Variants in PLCH2 observed in about 807,000 individuals in gnomAD.
The protein encoded by PLCH2 is 1-phosphatidylinositol 4,5-bisphosphate phosphodiesterase eta-2.
In PLCH2, 98 loss-of-function variants were observed where a neutral mutation model predicts 134.7. The observed-to-expected ratio is 0.73, with a 90% CI of 0.62 to 0.86. The LOEUF (loss-of-function observed/expected upper bound fraction) is 0.86, where lower values mean the gene tolerates loss of function less well. PLCH2 is among the 40% of genes least tolerant of loss of function. The probability of loss-of-function intolerance (pLI) is 0.00; values close to 1 mark genes in which losing one functional copy is unlikely to be tolerated. For synonymous variants in PLCH2, 974 were observed against 827.5 expected, an observed-to-expected ratio of 1.18 and a Z score of -3.04; for missense variants, 1,994 against 1,986.6, an observed-to-expected ratio of 1.00 and a Z score of -0.07.
chr1:2,467,552 C>CCGG (rs199663690), exon 1 of PLCH2: 5,231 of 400,016 alleles, frequency 0.013, 74 homozygotes, highest in East Asian at 0.048. Context: ...TCAGGGGACG[C>CCGG]CGGGGGCCAG....
At chr1:2,500,780 C>T (rs1370560158) in intron 20 of PLCH2, 16 of 46,976 alleles carry the variant, frequency 3.4e-4, no homozygotes, top group African/African-American at 1.2e-3. Flanking sequence ...GCCTCTCCTC[C>T]CCTCCCCTCC....
At position 2,504,405 on chromosome 1, in the gene PLCH2, G is replaced by C; in HGVS notation, c.3443G>C (p.Ser1148Thr). ...CGAGACAGCGTTTCCTCCTCCTCCA[G>C]CATGTCATCCAGCGACACTGTCATT... The part of the protein sequence containing the change: ...GHRDSVSSSS[S>T]MSSSDTVIDL... The change falls in exon 22 of 22, where the codon AGC becomes ACC. Residue 1148 changes from serine to threonine, a missense_variant. Ser to Thr is a moderately conservative substitution (Grantham distance 58, BLOSUM62 1). Transcript: ENST00000378486. 6.2e-7 allele frequency: 1 copy of C among 1,612,336 alleles called. No individual in the cohort carries two copies. Among genetic ancestry groups the C allele is most frequent in the Non-Finnish European group, 8.5e-7 (1 of 1,179,752 alleles).
At chr1:2,479,272 C>T (rs41315660) in intron 2 of PLCH2, 4,320 of 167,584 alleles carry the variant, frequency 0.026, 77 homozygotes, top group African/African-American at 0.048. Context: ...GAGAGAGTCG[C>T]GCTGCGGAGC....
intron 4 of PLCH2, among the ~76,000 whole-genome samples, chr1:2,483,954 C>A (rs534851024): frequency 9.7e-6 from 1 of 103,368 alleles, no homozygotes; most frequent in Non-Finnish European, 2.0e-5. Context: ...GTGGCGCTGA[C>A]TCCCGTGTGG....
chr1:2,416,026 T>C, the PLCH2 span, among the ~76,000 whole-genome samples: 10,378 of 152,084 alleles, frequency 0.068, 629 homozygotes, highest in East Asian at 0.22. Context: ...CGTATCCCCA[T>C]CCCCCCACCA....
chr1:2,484,715 A>T (rs1642200197), intron 5 of PLCH2, 97 bp downstream of exon 5: 4 of 1,315,738 alleles, frequency 3.0e-6, no homozygotes, highest in Non-Finnish European at 3.1e-6. Flanking sequence ...GTGATGGGGG[A>T]GCTGTCTGAA....
intron 5 of PLCH2, among the ~76,000 whole-genome samples, chr1:2,485,227 G>GGACGCTT (rs1642226208): frequency 2.2e-5 from 1 of 45,160 alleles, no homozygotes; most frequent in African/African-American, 8.6e-5. Flanking sequence ...GCCAAGTGCT[G>GGACGCTT]CCCCACTGAC....
chr1:2,443,987 T>C (rs1049544288), intron 2 of PLCH2, among the ~76,000 whole-genome samples: 9 of 152,214 alleles, frequency 5.9e-5, no homozygotes, highest in African/African-American at 1.9e-4. Flanking sequence ...GTGCCGCTCC[T>C]GCCGCTGCGC....
rs1643440482 is a variant in PLCH2 at position 2,504,687 on chromosome 1, T to C, written c.3725T>C (p.Leu1242Pro). 1 of 1,612,480 alleles carries C rather than the reference T, an allele frequency of 6.2e-7. No individual in the cohort carries two copies. ...CGGCCTCCCTGGGGCTGCCTTTCCC[T>C]GGTGGGCGTGCAGGACTGCCCCGTG... ...PFRPPWGCLS[L>P]VGVQDCPVAA... is the part of the protein sequence containing the mutation. The change falls in exon 22 of 22, where the codon CTG (leucine) becomes CCG (proline). Residue 1242 changes from leucine (L) to proline (P), a missense_variant. Physicochemically the swap from Leu to Pro is moderately conservative, Grantham distance 98. Around this residue, in one of 2 missense-constraint regions of PLCH2, gnomAD observed 900 missense variants for 752.3 expected, o/e 1.20. Transcript: ENST00000378486.
chr1:2,446,970 T>C (rs567049884), intron 2 of PLCH2, among the ~76,000 whole-genome samples: 1 of 152,178 alleles, frequency 6.6e-6, no homozygotes, highest in Non-Finnish European at 1.5e-5. Flanking sequence ...GGTGGCCTGG[T>C]GGAGGTGGAG....
At chr1:2,503,556 G>C (rs1012972580) in intron 21 of PLCH2, 6 of 632,462 alleles carry the variant, frequency 9.5e-6, no homozygotes, top group South Asian at 8.4e-5. Context: ...ACACCACCCT[G>C]CCCCTCCAGA....
chr1:2,455,616 C>T (rs1237223386), intron 2 of PLCH2, among the ~76,000 whole-genome samples: 2 of 152,310 alleles, frequency 1.3e-5, no homozygotes, highest in East Asian at 1.9e-4. Context: ...GGGATGCCGA[C>T]GCTTGTTCCC....
chr1:2,475,826 G>C (rs1432542429), upstream of PLCH2, among the ~76,000 whole-genome samples: 1 of 152,168 alleles, frequency 6.6e-6, no homozygotes, highest in East Asian at 1.9e-4. Context: ...CGCTGTAAGG[G>C]ATCCGGCTCG....
chr1:2,457,566 C>T (rs1026561719), intron 2 of PLCH2, among the ~76,000 whole-genome samples: 3 of 152,174 alleles, frequency 2.0e-5, no homozygotes, highest in African/African-American at 4.8e-5. Context: ...CGGGGCCGCA[C>T]CCACCCTGGG....
Position 2,479,750 on chromosome 1 carries a change from C to A in PLCH2, c.288C>A (p.Ile96=), listed in dbSNP as rs1442512568. 6.5e-7 allele frequency: 1 copy of A among 1,546,694 alleles called. No individual in the cohort carries two copies. The highest frequency in any genetic ancestry group is 8.7e-7 in the Non-Finnish European group (1 of 1,143,502). ...NEKAKISIDS[I]QEVSEGRQSE... is the part of the protein sequence containing the mutation. The stretch of plus-strand genomic sequence containing the variant: ...ACCCCGCAGTCTCCATCGACTCCAT[C>A]CAGGAGGTGAGTGAGGGGCGGCAGT... Residue 96 remains isoleucine, a synonymous_variant, in exon 3 of 22, where the codon ATC becomes ATA. Coordinates refer to ENST00000378486, the MANE Select transcript of PLCH2 (RefSeq NM_014638.4).
intron 1 of PLCH2, among the ~76,000 whole-genome samples, chr1:2,427,661 G>A (rs1204348263): frequency 6.6e-6 from 1 of 152,202 alleles, no homozygotes; most frequent in East Asian, 1.9e-4. Context: ...GGATGTCAGA[G>A]GAGCAGGCCG....
intron 2 of PLCH2, among the ~76,000 whole-genome samples, chr1:2,449,112 G>C (rs2100549724): frequency 6.6e-6 from 1 of 152,130 alleles, no homozygotes; most frequent in African/African-American, 2.4e-5. Flanking sequence ...CCCCTGGACG[G>C]AGGAAAATGC....
chr1:2,440,981 T>A (rs1639666712), intron 2 of PLCH2, among the ~76,000 whole-genome samples: 2 of 152,058 alleles, frequency 1.3e-5, no homozygotes, highest in Admixed American at 1.3e-4. Flanking sequence ...GCCCGGGTGG[T>A]CCTGCCCCCA....
In PLCH2 at chr1:2,497,605, C is replaced by G; in HGVS notation, c.2220C>G (p.Cys740Trp). The change falls in exon 16 of 22, where the codon TGC (cysteine) becomes TGG (tryptophan). Residue 740 changes from cysteine (C) to tryptophan (W), a missense_variant. Cys to Trp is a radical substitution (Grantham distance 215, BLOSUM62 -2). Around this residue, in one of 2 missense-constraint regions of PLCH2, gnomAD observed 1,094 missense variants for 1,234.3 expected, o/e 0.89. Coordinates refer to ENST00000378486, the MANE Select transcript of PLCH2 (RefSeq NM_014638.4). ...CGYVLKPGCM[C>W]QGVFNPNSED... The stretch of plus-strand genomic sequence containing the variant: ...ACGTACTCAAGCCTGGGTGCATGTG[C>G]CAGGGTGAGGCACTCGGACACTCAG... The G allele has an allele frequency of 6.4e-7, 1 of 1,553,318 alleles. No individual in the cohort carries two copies. The highest frequency in any genetic ancestry group is 8.7e-7 in the Non-Finnish European group (1 of 1,147,308).
Sources: gnomAD v4.1 joint callset for allele counts (sites outside exome capture counted in the v4.1 genomes callset) on GRCh38, gnomAD v4.1.1 for gene constraint, gnomAD v4.1.1 regional missense constraint, MANE v1.5 for transcripts, NCBI Gene and HGNC (gene_info 2026-07-23, HGNC 2026-07-21) for gene names.